Variants in RPS6KC1 observed in about 807,000 individuals in gnomAD.
RPS6KC1 encodes the protein ribosomal protein S6 kinase C1, also known as inactive ribosomal protein S6 kinase delta-1.
Under a neutral mutation model 103.8 loss-of-function variants are expected in RPS6KC1, and 54 were observed. The ratio of observed to expected loss-of-function variants is 0.52; its 90% CI spans 0.42 to 0.65. The LOEUF (loss-of-function observed/expected upper bound fraction) is 0.65, where lower values mean the gene tolerates loss of function less well. Among genes scored for constraint, RPS6KC1 ranks in the 30% least tolerant of loss-of-function variants. The probability of loss-of-function intolerance (pLI) is 0.00; values close to 1 mark genes in which losing one functional copy is unlikely to be tolerated. For missense variants in RPS6KC1, 1,151 were observed against 1,253.8 expected, an observed-to-expected ratio of 0.92 and a Z score of 1.24; for synonymous variants, 439 against 438.7, an observed-to-expected ratio of 1.00 and a Z score of -0.01.
At chr1:213,206,181 A>G (rs1025237118) in intron 8 of RPS6KC1, among the ~76,000 whole-genome samples, 2 of 152,188 alleles carry the variant, frequency 1.3e-5, no homozygotes, top group Admixed American at 1.3e-4. Flanking sequence ...GGACACTTTT[A>G]TAATAGGACA....
the RPS6KC1 span, among the ~76,000 whole-genome samples, chr1:213,709,247 G>A: frequency 3.3e-5 from 5 of 151,904 alleles, no homozygotes; most frequent in Admixed American, 6.6e-5. Context: ...TGATCTATTC[G>A]GGGATTCGAC....
the RPS6KC1 span, among the ~76,000 whole-genome samples, chr1:213,670,480 A>T: frequency 1.3e-5 from 2 of 152,222 alleles, no homozygotes; most frequent in African/African-American, 4.8e-5. Context: ...GTGTGCAAAG[A>T]TCTGATTTGT....
the RPS6KC1 span, among the ~76,000 whole-genome samples, chr1:213,410,772 G>A: frequency 6.6e-6 from 1 of 152,146 alleles, no homozygotes; most frequent in African/African-American, 2.4e-5. Flanking sequence ...AGCCGGAAGG[G>A]AGCTGATCAA....
chr1:213,337,265 C>T, the RPS6KC1 span, among the ~76,000 whole-genome samples: 1 of 152,200 alleles, frequency 6.6e-6, no homozygotes, highest in Non-Finnish European at 1.5e-5. Context: ...ACTCAGCCAG[C>T]CTGCATTATT....
At chr1:213,328,572 T>G in the RPS6KC1 span, among the ~76,000 whole-genome samples, 1 of 146,338 alleles carries the variant, frequency 6.8e-6, no homozygotes, top group Non-Finnish European at 1.5e-5. Context: ...GTCAGCTATA[T>G]ATTTCTGTAT....
chr1:213,634,837 G>C, the RPS6KC1 span, among the ~76,000 whole-genome samples: 1 of 151,768 alleles, frequency 6.6e-6, no homozygotes, highest in East Asian at 1.9e-4. Flanking sequence ...TCCGGGAGCT[G>C]GTTTTTTGAA....
chr1:213,407,249 C>CAG, the RPS6KC1 span, among the ~76,000 whole-genome samples: 13 of 150,088 alleles, frequency 8.7e-5, no homozygotes, highest in Admixed American at 6.0e-4. Flanking sequence ...CACACACACG[C>CAG]AGAGAGAGAG....
chr1:213,732,657 G>A, the RPS6KC1 span, among the ~76,000 whole-genome samples: 5 of 152,320 alleles, frequency 3.3e-5, no homozygotes, highest in African/African-American at 7.2e-5. Flanking sequence ...TTGATGGCAT[G>A]ATGGGGATAG....
chr1:213,358,983 G>T, the RPS6KC1 span, among the ~76,000 whole-genome samples: 5 of 152,130 alleles, frequency 3.3e-5, no homozygotes. Context: ...CAACTATGTG[G>T]TCAATTTTGG....
chr1:213,274,367 A>G lies in RPS6KC1; in HGVS notation c.*1733A>G, dbSNP rs1289387566. 2 of 152,208 alleles carry G rather than the reference A, an allele frequency of 1.3e-5. No individual in the cohort carries two copies. Among genetic ancestry groups the G allele is most frequent in the Non-Finnish European group, 2.9e-5 (2 of 68,032 alleles). 9.4% of individuals were successfully genotyped at this position (152,208 alleles called of 1,614,324 possible). A position where few individuals can be genotyped will look rare whatever the true frequency, so the allele number is the denominator to read the frequency against. ...CTTCCAGAAGTGCCCTGTGACATGA[A>G]AGTAGGACTTCACAACTAAGGTGAA... is the stretch of plus-strand genomic sequence containing the variant. On this transcript the variant is annotated 3_prime_UTR_variant, in exon 15 of 15. Transcript: ENST00000366960.
the RPS6KC1 span, among the ~76,000 whole-genome samples, chr1:213,613,383 T>C: frequency 6.6e-6 from 1 of 152,232 alleles, no homozygotes; most frequent in Non-Finnish European, 1.5e-5. Flanking sequence ...CGATGAGATT[T>C]GGACTAGAGT....
At chr1:213,731,641 G>T in the RPS6KC1 span, 2 of 152,056 alleles carry the variant, frequency 1.3e-5, no homozygotes, top group Non-Finnish European at 2.9e-5. Flanking sequence ...ATATATCCTG[G>T]ATTTGATCTA....
the RPS6KC1 span, among the ~76,000 whole-genome samples, chr1:213,740,475 A>G: frequency 6.6e-6 from 1 of 151,970 alleles, no homozygotes; most frequent in East Asian, 1.9e-4. Context: ...TTGCAACTAG[A>G]CTCACTGTTT....
chr1:213,783,157 C>T, the RPS6KC1 span, among the ~76,000 whole-genome samples: 5 of 152,122 alleles, frequency 3.3e-5, no homozygotes, highest in Admixed American at 1.3e-4. Flanking sequence ...CTCCAGACAC[C>T]GCAGTATGAC....
chr1:213,676,552 GACAGATGACT>G, the RPS6KC1 span, among the ~76,000 whole-genome samples: 1 of 152,184 alleles, frequency 6.6e-6, no homozygotes, highest in African/African-American at 2.4e-5. Context: ...TTCAGCAATG[GACAGATGACT>G]ATATACTCCC....
chr1:213,245,424 C>G (rs1409405412), intron 12 of RPS6KC1, among the ~76,000 whole-genome samples: 1 of 152,054 alleles, frequency 6.6e-6, no homozygotes, highest in Non-Finnish European at 1.5e-5. Flanking sequence ...CCAAGTAACT[C>G]TAAAGCATGT....
At chr1:213,574,749 C>T in the RPS6KC1 span, among the ~76,000 whole-genome samples, 5 of 152,108 alleles carry the variant, frequency 3.3e-5, no homozygotes, top group Non-Finnish European at 5.9e-5. Flanking sequence ...GGTGGGAAGT[C>T]GAAGGCCCCA....
chr1:213,266,923 CAAACAAACAAACAAACAAACAAA>C (rs2094925087), intron 14 of RPS6KC1, among the ~76,000 whole-genome samples: 1 of 150,800 alleles, frequency 6.6e-6, no homozygotes, highest in Non-Finnish European at 1.5e-5. Context: ...AACAAACAAA[CAAACAAACAAACAAACAAACAAA>C]AAACAGCCGA....
the RPS6KC1 span, among the ~76,000 whole-genome samples, chr1:213,327,284 C>A: frequency 7.4e-6 from 1 of 135,652 alleles, no homozygotes; most frequent in African/African-American, 2.6e-5. Context: ...TTTCCAACCA[C>A]AGGGATACCT....
Sources: gnomAD v4.1 joint callset for allele counts (sites outside exome capture counted in the v4.1 genomes callset) on GRCh38, gnomAD v4.1.1 for gene constraint, MANE v1.5 for transcripts, NCBI Gene and HGNC (gene_info 2026-07-23, HGNC 2026-07-21) for gene names.